Variants in DPYD observed in about 807,000 individuals in gnomAD.
DPYD encodes the protein dihydropyrimidine dehydrogenase, also known as dihydropyrimidine dehydrogenase [NADP(+)].
In DPYD, 109 loss-of-function variants were observed where a neutral mutation model predicts 116.2. That is an observed-to-expected ratio of 0.94 (90% CI 0.80 to 1.10). The LOEUF is 1.10. Ranked by LOEUF, DPYD falls within the 50% of genes least tolerant of loss-of-function variation. The pLI is 0.00. For synonymous variants in DPYD, 440 were observed against 432.0 expected (o/e 1.02, Z -0.23); for missense variants, 1,302 against 1,254.5 (o/e 1.04, Z -0.57).
chr1:97,788,224 T>C (rs1331521217), intron 3 of DPYD, among the ~76,000 whole-genome samples: 2 of 152,138 alleles, frequency 1.3e-5, no homozygotes, highest in African/African-American at 2.4e-5. Flanking sequence ...CTGGACTACT[T>C]TGTGAGTTCC....
intron 1 of DPYD, among the ~76,000 whole-genome samples, chr1:97,890,597 A>AG (rs1672726488): frequency 6.6e-6 from 1 of 151,974 alleles, no homozygotes; most frequent in Admixed American, 6.6e-5. Context: ...ATAGAAAAAA[A>AG]GTGAAAACAT....
At position 97,606,681 on chromosome 1, in the gene DPYD, T is replaced by G. The variant is rs796152569; in HGVS notation, c.851-11515A>C. 7.9e-5 allele frequency among the ~76,000 whole-genome samples: 12 copies of G among 152,074 alleles called. No individual in the cohort carries two copies. The South Asian group carries it at 2.5e-3, about 32-fold the overall frequency. On this transcript the variant is annotated intron_variant, in intron 8 of 22. Coordinates refer to ENST00000370192, the MANE Select transcript of DPYD (RefSeq NM_000110.4). ...ACACCAGGATGTTTGGATTTTACAC[T>G]GAGGAAACATTTTAGGAAATGATAT...
intron 20 of DPYD, among the ~76,000 whole-genome samples, chr1:97,189,603 T>G (rs1278341852): frequency 6.6e-6 from 1 of 152,218 alleles, no homozygotes; most frequent in East Asian, 1.9e-4. Flanking sequence ...TTTTCTTTTC[T>G]GAAATCACTA....
intron 19 of DPYD, among the ~76,000 whole-genome samples, chr1:97,219,969 A>C (rs1007469012): frequency 6.6e-6 from 1 of 152,082 alleles, no homozygotes; most frequent in Non-Finnish European, 1.5e-5. Context: ...GCTCACTTGT[A>C]TAACTACGCC....
In DPYD at chr1:97,866,941, G is replaced by A. The variant is rs540437631; in HGVS notation, c.150+16323C>T. Among the ~76,000 whole-genome samples, 227 of 151,998 alleles carry A rather than the reference G, an allele frequency of 1.5e-3. 1 individual carries two copies. Among genetic ancestry groups the A allele is most frequent in the Non-Finnish European group, 1.3e-3 (90 of 67,872 alleles). On this transcript the variant is annotated intron_variant, in intron 2 of 22. Transcript: ENST00000370192. ...TGGGAAAACAAGCAGCAGGAGATGA[G>A]GATAGGGGCTTGTAGGCTATAATAG...
chr1:97,317,429 C>T (rs61787963), intron 16 of DPYD, among the ~76,000 whole-genome samples: 36,454 of 151,850 alleles, frequency 0.24, 5,481 homozygotes, highest in Admixed American at 0.39. Flanking sequence ...GCTTGCCCTA[C>T]TATGTATGGA....
chr1:97,344,074 A>C (rs1309338487), intron 16 of DPYD, among the ~76,000 whole-genome samples: 1 of 151,894 alleles, frequency 6.6e-6, no homozygotes, highest in Non-Finnish European at 1.5e-5. Flanking sequence ...CTGCAGAATT[A>C]CACTTATTAG....
At chr1:97,231,539 G>A (rs1280554177) in intron 19 of DPYD, among the ~76,000 whole-genome samples, 1 of 152,110 alleles carries the variant, frequency 6.6e-6, no homozygotes, top group Non-Finnish European at 1.5e-5. Flanking sequence ...ACCAGATCTA[G>A]TGAGACTTAC....
At chr1:97,197,032 C>A (rs116751363) in intron 19 of DPYD, among the ~76,000 whole-genome samples, 2,524 of 152,160 alleles carry the variant, frequency 0.017, 69 homozygotes, top group African/African-American at 0.057. Flanking sequence ...AAAGCAGAAA[C>A]AAAAACCCCT....
At chr1:97,750,696 T>C (rs1246813966) in intron 3 of DPYD, among the ~76,000 whole-genome samples, 1 of 152,200 alleles carries the variant, frequency 6.6e-6, no homozygotes, top group African/African-American at 2.4e-5. Flanking sequence ...AGAGTTTTCA[T>C]AGAGTGACCA....
intron 12 of DPYD, among the ~76,000 whole-genome samples, chr1:97,548,379 G>A (rs1651059670): frequency 6.6e-6 from 1 of 152,172 alleles, no homozygotes; most frequent in African/African-American, 2.4e-5. Flanking sequence ...AGTATGCTCA[G>A]CTTCACATCT....
At position 97,271,419 on chromosome 1, in the gene DPYD, A is replaced by C. The variant is rs547565204; in HGVS notation, c.2299+33840T>G. 2.6e-5 allele frequency among the ~76,000 whole-genome samples: 4 copies of C among 152,278 alleles called. No homozygotes were observed. The East Asian group carries it at 7.7e-4, about 29-fold the overall frequency. ...AGACAAAAAGGACCAGCTCAGAAAAACTTTAAGCAAGTAGGTTCTTTGGGC... is the reference window on the plus strand; with the variant it reads ...AGACAAAAAGGACCAGCTCAGAAAACCTTTAAGCAAGTAGGTTCTTTGGGC... On this transcript the variant is annotated intron_variant, in intron 18 of 22. Coordinates refer to ENST00000370192, the MANE Select transcript of DPYD (RefSeq NM_000110.4).
At chr1:97,450,383 C>T (rs1570753258) in intron 13 of DPYD, among the ~76,000 whole-genome samples, 160 bp from the exon 14 acceptor site, 1 of 152,110 alleles carries the variant, frequency 6.6e-6, no homozygotes. Context: ...ACATAAACTA[C>T]TTGCAAATAA....
At position 97,133,998 on chromosome 1, in the gene DPYD, C is replaced by CAAAAAAAAAAAAAAAAAAAA. The variant is rs1208967697; in HGVS notation, c.2623-35367_2623-35366insTTTTTTTTTTTTTTTTTTTT. Among the ~76,000 whole-genome samples, 4 of 17,244 alleles carry CAAAAAAAAAAAAAAAAAAAA rather than the reference C, an allele frequency of 2.3e-4. 1 individual carries two copies. The highest frequency in any genetic ancestry group is 9.7e-4 in the African/African-American group (3 of 3,088). The allele number at this position is 17,244 out of a possible 152,430, so 11.3% of individuals were successfully genotyped here. A position where few individuals can be genotyped will look rare whatever the true frequency, so the allele number is the denominator to read the frequency against. ...TGGGTCACAGAGCCAGACTCTGTTT[C>CAAAAAAAAAAAAAAAAAAAA]AAAAAAAAAAAAAAAAATATATATA... On this transcript the variant is annotated intron_variant, in intron 20 of 22. Coordinates refer to ENST00000370192, the MANE Select transcript of DPYD (RefSeq NM_000110.4).
At chr1:97,761,208 A>T (rs923273228) in intron 3 of DPYD, among the ~76,000 whole-genome samples, 12 of 152,182 alleles carry the variant, frequency 7.9e-5, no homozygotes, top group African/African-American at 2.7e-4. Flanking sequence ...CAATCACCGT[A>T]GATGCACAAA....
intron 14 of DPYD, chr1:97,420,033 C>T (rs1054738384): frequency 4.6e-5 from 7 of 152,072 alleles, no homozygotes; most frequent in African/African-American, 1.7e-4. Context: ...GCAGGAAAAC[C>T]ACAAGGGACA....
At chr1:97,535,277 T>C (rs1349546863) in intron 12 of DPYD, among the ~76,000 whole-genome samples, 2 of 152,310 alleles carry the variant, frequency 1.3e-5, no homozygotes, top group African/African-American at 2.4e-5. Flanking sequence ...GGTTATTTTG[T>C]ATTTAAATTC....
chr1:97,882,529 T>C (rs1672281626), intron 2 of DPYD, among the ~76,000 whole-genome samples: 1 of 152,072 alleles, frequency 6.6e-6, no homozygotes, highest in Non-Finnish European at 1.5e-5. Context: ...AATTTGGGAA[T>C]GTTAATTTGG....
chr1:97,617,336 G>C (rs1656352824), intron 8 of DPYD, among the ~76,000 whole-genome samples: 1 of 152,142 alleles, frequency 6.6e-6, no homozygotes, highest in African/African-American at 2.4e-5. Context: ...AGGGACTACT[G>C]ATTTCAGGCA....
Sources: gnomAD v4.1 joint callset for allele counts (sites outside exome capture counted in the v4.1 genomes callset) on GRCh38, gnomAD v4.1.1 for gene constraint, MANE v1.5 for transcripts, NCBI Gene and HGNC (gene_info 2026-07-23, HGNC 2026-07-21) for gene names.